The following PTPRN2 variants were observed in gnomAD, a reference collection of about 807,000 sequenced individuals.
PTPRN2 encodes the protein receptor-type tyrosine-protein phosphatase N2.
Under a neutral mutation model 118.8 loss-of-function variants are expected in PTPRN2, and 74 were observed. The ratio of observed to expected loss-of-function variants is 0.62; its 90% CI spans 0.52 to 0.76. The LOEUF (loss-of-function observed/expected upper bound fraction) is 0.76. PTPRN2 is among the 30% of genes least tolerant of loss of function. The probability of loss-of-function intolerance (pLI) is 0.00; values close to 1 mark genes in which losing one functional copy is unlikely to be tolerated. For missense variants in PTPRN2, 1,481 were observed against 1,394.4 expected (o/e 1.06, Z -0.99); for synonymous variants, 641 against 608.0 (o/e 1.05, Z -0.80).
In PTPRN2 at chr7:158,192,450, C is replaced by T; in HGVS notation, c.426G>A (p.Glu142=). The change falls in exon 5 of 23, where the codon GAG becomes GAA. Residue 142 remains glutamate (E), a synonymous_variant. Transcript: ENST00000389418. The stretch of plus-strand genomic sequence containing the variant: ...GGGCGTTGGCCAGGGCAGCACCGCC[C>T]TCCCGACTGTACCTCCTCTCGCTGC... ...SVGSERRYSR[E]GGAALANALR... is the part of the protein sequence containing the mutation. 6.4e-7 allele frequency: 1 copy of T among 1,571,644 alleles called. No homozygotes were observed. The highest frequency in any genetic ancestry group is 8.6e-7 in the Non-Finnish European group (1 of 1,165,042).
At chr7:157,755,140 C>T (rs1801703369) in intron 12 of PTPRN2, among the ~76,000 whole-genome samples, 1 of 152,296 alleles carries the variant, frequency 6.6e-6, no homozygotes, top group East Asian at 1.9e-4. Context: ...CTGCCTTGGC[C>T]TCCCAAAGCG....
At chr7:158,331,043 G>C (rs1304176599) in intron 2 of PTPRN2, among the ~76,000 whole-genome samples, 5 of 138,320 alleles carry the variant, frequency 3.6e-5, no homozygotes, top group Non-Finnish European at 6.3e-5. Flanking sequence ...CATAAGAGGT[G>C]ACACCTGCAG....
chr7:157,851,807 G>A (rs780752379), intron 12 of PTPRN2, among the ~76,000 whole-genome samples: 4 of 152,220 alleles, frequency 2.6e-5, no homozygotes, highest in Admixed American at 6.5e-5. Flanking sequence ...GATGTGAGAC[G>A]CTCACATGGC....
chr7:157,684,291 G>A (rs925668571), intron 12 of PTPRN2, among the ~76,000 whole-genome samples: 1 of 151,842 alleles, frequency 6.6e-6, no homozygotes, highest in Non-Finnish European at 1.5e-5. Flanking sequence ...TGCGCGGCTC[G>A]GAGGAGGACC....
At chr7:158,133,482 G>A (rs1351229877) in intron 9 of PTPRN2, among the ~76,000 whole-genome samples, 195 bp downstream of exon 9, 1 of 152,226 alleles carries the variant, frequency 6.6e-6, no homozygotes, top group Non-Finnish European at 1.5e-5. Flanking sequence ...CAGCTCAGAA[G>A]CATCAGGAGG....
At chr7:157,575,497 G>A (rs1799984563) in intron 19 of PTPRN2, among the ~76,000 whole-genome samples, 1 of 152,166 alleles carries the variant, frequency 6.6e-6, no homozygotes, top group Non-Finnish European at 1.5e-5. Context: ...CCTTGCAGAG[G>A]CTCTTGATTG....
At chr7:158,324,322 A>G (rs1803299712) in intron 2 of PTPRN2, among the ~76,000 whole-genome samples, 1 of 152,176 alleles carries the variant, frequency 6.6e-6, no homozygotes, top group South Asian at 2.1e-4. Context: ...GACTAAAAGG[A>G]TGTTAGTGAA....
intron 2 of PTPRN2, among the ~76,000 whole-genome samples, chr7:158,321,539 C>A (rs1803016853): frequency 1.3e-5 from 2 of 152,224 alleles, no homozygotes. Flanking sequence ...CATCACCGCA[C>A]CGCAGTGGAG....
At chr7:157,541,721 C>A (rs1199212889) in intron 22 of PTPRN2, among the ~76,000 whole-genome samples, 8 of 152,226 alleles carry the variant, frequency 5.3e-5, no homozygotes, top group African/African-American at 1.9e-4. Flanking sequence ...AGCTCCAATA[C>A]TTGATCATTT....
chr7:157,814,714 ACAGAGTGATGGGGCCCCAGCACCC>A (rs1397293160), intron 12 of PTPRN2, among the ~76,000 whole-genome samples: 1 of 152,230 alleles, frequency 6.6e-6, no homozygotes, highest in Non-Finnish European at 1.5e-5. Context: ...CCAAATGAAC[ACAGAGTGATGGGGCCCCAGCACCC>A]CATCCACAGG....
At chr7:157,778,256 G>A (rs182582522) in intron 12 of PTPRN2, among the ~76,000 whole-genome samples, 2 of 152,236 alleles carry the variant, frequency 1.3e-5, no homozygotes, top group South Asian at 2.1e-4. Context: ...TGCAGGCGTC[G>A]AATGCCCAAG....
intron 2 of PTPRN2, among the ~76,000 whole-genome samples, chr7:158,450,785 A>C (rs1297597724): frequency 6.6e-6 from 1 of 152,176 alleles, no homozygotes; most frequent in Non-Finnish European, 1.5e-5. Flanking sequence ...GCCTGGGGAG[A>C]CTGTAAACGA....
rs1414247507 is a variant in PTPRN2, at chr7:157,671,385, G to C, written c.2001+11340C>G. Among the ~76,000 whole-genome samples, 1 of 152,172 alleles carries C rather than the reference G, an allele frequency of 6.6e-6. No homozygotes were observed. Among genetic ancestry groups the C allele is most frequent in the African/African-American group, 2.4e-5 (1 of 41,444 alleles). On this transcript the variant is annotated intron_variant, in intron 13 of 22. Coordinates refer to ENST00000389418, the MANE Select transcript of PTPRN2 (RefSeq NM_002847.5). This position sits in a 1 kb window ranked among gnomAD's most constrained non-coding sequence, Gnocchi z 4.1. ...GACGTCACCGCAGAGGCGGCAGAAG[G>C]GATAAAGGGGAGGTAGGGATGAATA...
intron 3 of PTPRN2, among the ~76,000 whole-genome samples, chr7:158,294,729 G>A (rs1461783337): frequency 7.9e-5 from 12 of 152,176 alleles, no homozygotes; most frequent in African/African-American, 1.7e-4. Flanking sequence ...AGCACGGGTC[G>A]CCCAGAATTC....
intron 1 of PTPRN2, among the ~76,000 whole-genome samples, chr7:158,530,430 T>A (rs555390019): frequency 6.6e-5 from 10 of 152,294 alleles, no homozygotes; most frequent in African/African-American, 2.4e-4. Context: ...GACCTGGACA[T>A]CCCACGCCGG....
At chr7:158,368,172 G>A (rs995617065) in intron 2 of PTPRN2, among the ~76,000 whole-genome samples, 8 of 152,148 alleles carry the variant, frequency 5.3e-5, no homozygotes, top group Admixed American at 2.0e-4. Context: ...CAGGGCAAAC[G>A]TTTACAGTAC....
chr7:158,123,578 C>T (rs1014797005), intron 9 of PTPRN2, among the ~76,000 whole-genome samples: 1 of 152,196 alleles, frequency 6.6e-6, no homozygotes, highest in African/African-American at 2.4e-5. Flanking sequence ...TGTGCCGCAC[C>T]CAGGCCAACG....
At chr7:157,957,326 C>G (rs1401464205) in intron 11 of PTPRN2, among the ~76,000 whole-genome samples, 2 of 152,132 alleles carry the variant, frequency 1.3e-5, no homozygotes, top group Non-Finnish European at 1.5e-5. Context: ...GCATCTAGGA[C>G]TTAAGTATTA....
chr7:157,938,622 C>T (rs755401741), intron 11 of PTPRN2, among the ~76,000 whole-genome samples: 3 of 152,226 alleles, frequency 2.0e-5, no homozygotes, highest in African/African-American at 4.8e-5. Flanking sequence ...TCAATTTTTA[C>T]TATTAGTCTT....
Sources: allele counts gnomAD v4.1 joint callset (sites outside exome capture counted in the v4.1 genomes callset), GRCh38; gene constraint gnomAD v4.1.1; non-coding constraint Gnocchi (gnomAD v3.1); transcripts MANE v1.5; gene names NCBI Gene and HGNC (gene_info 2026-07-23, HGNC 2026-07-21).